Variants in CENPF observed in about 807,000 individuals in gnomAD.
CENPF encodes the protein centromere protein F, also known as AH antigen.
CENPF carries 214 observed loss-of-function variants against 307.3 expected under a neutral mutation model. The ratio of observed to expected loss-of-function variants is 0.70; its 90% confidence interval spans 0.62 to 0.78. The LOEUF is 0.78. Among genes scored for constraint, CENPF ranks in the 30% least tolerant of loss-of-function variants. The pLI is 0.00. For synonymous variants in CENPF, 1,259 were observed against 1,270.6 expected, an observed-to-expected ratio of 0.99 and a Z score of 0.19; for missense variants, 3,401 against 3,483.9, an observed-to-expected ratio of 0.98 and a Z score of 0.60.
rs114922443 is a variant in CENPF at position 214,630,202 on chromosome 1, T to C, written c.1195-332T>C. Among the ~76,000 whole-genome samples, 756 of 152,346 alleles carry C rather than the reference T, an allele frequency of 5.0e-3. 4 individuals are homozygous for C. The highest frequency in any genetic ancestry group is 0.017 in the African/African-American group (727 of 41,578). ...TATGTTTGGTTTCTTAGTTGAGCTT[T>C]GACTGTTGTAGCTCAGTTCTTCTCT... On this transcript the variant is annotated intron_variant, in intron 8 of 19. Transcript: ENST00000366955.
rs1192276291 is a variant in CENPF at position 214,642,226 on chromosome 1, A to G, written c.3888A>G (p.Thr1296=). The change falls in exon 12 of 20, where the codon ACA becomes ACG. Residue 1296 remains threonine (T), a synonymous_variant. Transcript: ENST00000366955. ...NAHLQCSLQT[T]MNKLNELEKI... is the part of the protein sequence containing the mutation. The stretch of plus-strand genomic sequence containing the variant: ...ACCTTCAGTGCTCTCTGCAAACAAC[A>G]ATGAACAAGCTGAATGAGCTAGAGA... The G allele has an allele frequency of 6.2e-7, 1 of 1,614,048 alleles. No homozygotes were observed. The highest frequency in any genetic ancestry group is 1.3e-5 in the African/African-American group (1 of 74,922).
Position 214,661,017 on chromosome 1 carries a change from C to T in CENPF, c.9141+1989C>T, listed in dbSNP as rs111612071. ...ATCACAAGTCATTTTTTTTCTGTTG[C>T]GAAGAACTGATGGTAAAAGCAGTTT... On this transcript the variant is annotated intron_variant, in intron 19 of 19. Transcript: ENST00000366955. 9.1e-3 allele frequency among the ~76,000 whole-genome samples: 1,391 copies of T among 152,176 alleles called. 27 individuals carry two copies. The highest frequency in any genetic ancestry group is 0.032 in the African/African-American group (1,310 of 41,510).
At position 214,641,552 on chromosome 1, in the gene CENPF, G is replaced by C. The variant is rs772179689; in HGVS notation, c.3214G>C (p.Glu1072Gln). The C allele has an allele frequency of 6.6e-7, 1 of 1,521,096 alleles. No individual in the cohort carries two copies. Among genetic ancestry groups the C allele is most frequent in the Non-Finnish European group, 8.8e-7 (1 of 1,140,470 alleles). 94.2% of individuals were successfully genotyped at this position (1,521,096 alleles called of 1,614,324 possible). A position where few individuals can be genotyped will look rare whatever the true frequency, so the allele number is the denominator to read the frequency against. Residue 1072 changes from glutamate (E) to glutamine (Q), a missense_variant, in exon 12 of 20, where the codon GAA becomes CAA. Glu to Gln is a conservative substitution (Grantham distance 29). Transcript: ENST00000366955. ...TTGTGAAAATAGGAAAAATGAGTTG[G>C]AACAGCTAAAGGAAGCATTTGCAAA... ...SLCENRKNELEQLKEAFAKEH... is the reference protein window; with the variant it reads ...SLCENRKNELQQLKEAFAKEH...
In CENPF at chr1:214,643,010, G is replaced by A. The variant is rs1196946606; in HGVS notation, c.4672G>A (p.Val1558Met). 1 of 1,609,302 alleles carries A rather than the reference G, an allele frequency of 6.2e-7. No homozygotes were observed. Among genetic ancestry groups the A allele is most frequent in the Non-Finnish European group, 8.5e-7 (1 of 1,178,684 alleles). The stretch of plus-strand genomic sequence containing the variant: ...TGAAGAGCTTGAGTCCCTCTGTGAG[G>A]TGTACCGGCAGTCCCTCGAGAAGCT... ...GVEELESLCE[V>M]YRQSLEKLEE... The change falls in exon 12 of 20, where the codon GTG (valine) becomes ATG (methionine). Residue 1558 changes from valine to methionine, a missense_variant. Transcript: ENST00000366955.
At position 214,603,250 on chromosome 1, in the gene CENPF, G is replaced by C. The variant is rs1006418683; in HGVS notation, c.-113G>C. 1 of 152,412 alleles carries C rather than the reference G, an allele frequency of 6.6e-6. No individual in the cohort carries two copies. The highest frequency in any genetic ancestry group is 1.5e-5 in the Non-Finnish European group (1 of 68,222). The allele number at this position is 152,412 out of a possible 1,614,324, so 9.4% of individuals were successfully genotyped here. Reference sequence around the variant, plus strand: ...CTGCGGGCAGTTTGAATTAGACTCTGGGCTCCAGCCCGCCGAAGCCGCGCC... The same window carrying C: ...CTGCGGGCAGTTTGAATTAGACTCTCGGCTCCAGCCCGCCGAAGCCGCGCC... On this transcript the variant is annotated 5_prime_UTR_variant, in exon 1 of 20. Transcript: ENST00000366955.
intron 16 of CENPF, chr1:214,655,019 T>C (rs1320039977): frequency 3.2e-6 from 1 of 311,774 alleles, no homozygotes; most frequent in African/African-American, 2.2e-5. Flanking sequence ...TAGTTTATAC[T>C]TGTGATACTA....
rs1281358182 is a variant in CENPF, at chr1:214,655,325, A to G, written c.8407A>G (p.Lys2803Glu). The G allele has an allele frequency of 6.2e-7, 1 of 1,610,470 alleles. No individual in the cohort carries two copies. Among genetic ancestry groups the G allele is most frequent in the Non-Finnish European group, 8.5e-7 (1 of 1,178,180 alleles). ...GKMKLLIKSC[K>E]QLEEEKEILQ... ...AATGAAGTTGTTGATCAAATCCTGTAAACAGCTGGAAGAGGAAAAGGAGAT... is the reference window on the plus strand; with the variant it reads ...AATGAAGTTGTTGATCAAATCCTGTGAACAGCTGGAAGAGGAAAAGGAGAT... The change falls in exon 17 of 20, where the codon AAA becomes GAA. Residue 2803 changes from lysine to glutamate, a missense_variant. By Grantham distance (56) the Lys-to-Glu change is moderately conservative. Coordinates refer to ENST00000366955, the MANE Select transcript of CENPF (RefSeq NM_016343.4).
chr1:214,605,442 T>G, intron 1 of CENPF: 1 of 207,898 alleles, frequency 4.8e-6, no homozygotes, highest in Non-Finnish European at 9.5e-6. Context: ...ATCCGCTTTG[T>G]TTTTTTTTTT....
At chr1:214,634,445 T>C (rs1449093402) in intron 10 of CENPF, among the ~76,000 whole-genome samples, 1 of 152,208 alleles carries the variant, frequency 6.6e-6, no homozygotes, top group Admixed American at 6.5e-5. Context: ...GTGTTGCTTT[T>C]CTGCCACCTA....
In CENPF at chr1:214,647,191, C is replaced by G; in HGVS notation, c.7621C>G (p.Leu2541Val). Reference sequence around the variant, plus strand: ...AGACCAAGAGCAGCTTGTCTCTAAACTGTCCCAGGTGGAAGGAGAGCACCA... The same window carrying G: ...AGACCAAGAGCAGCTTGTCTCTAAAGTGTCCCAGGTGGAAGGAGAGCACCA... ...IQDQEQLVSK[L>V]SQVEGEHQLW... Residue 2541 changes from leucine to valine, a missense_variant, in exon 13 of 20, where the codon CTG becomes GTG. By Grantham distance (32) the Leu-to-Val change is conservative. Coordinates refer to ENST00000366955, the MANE Select transcript of CENPF (RefSeq NM_016343.4). The G allele has an allele frequency of 6.2e-7, 1 of 1,614,102 alleles. No individual in the cohort carries two copies. Among genetic ancestry groups the G allele is most frequent in the Non-Finnish European group, 8.5e-7 (1 of 1,179,974 alleles).
chr1:214,640,289 C>G lies in CENPF; in HGVS notation c.1951C>G (p.Leu651Val). The G allele has an allele frequency of 1.2e-6, 2 of 1,613,964 alleles. No individual in the cohort carries two copies. Among genetic ancestry groups the G allele is most frequent in the Non-Finnish European group, 1.7e-6 (2 of 1,179,984 alleles). ...TAAAATTAATCACTTGGAAACTTGT[C>G]TGAAGACACAGCAAATAAAAAGTCA... ...QSKINHLETC[L>V]KTQQIKSHEY... Residue 651 changes from leucine to valine, a missense_variant, in exon 12 of 20, where the codon CTG (leucine) becomes GTG (valine). Transcript: ENST00000366955.
intron 1 of CENPF, among the ~76,000 whole-genome samples, chr1:214,609,385 G>C (rs1261428080): frequency 6.6e-6 from 1 of 152,166 alleles, no homozygotes; most frequent in Non-Finnish European, 1.5e-5. Context: ...TGGGCTACCT[G>C]TGCTGTGAGT....
chr1:214,634,732 G>A (rs1411828749), intron 10 of CENPF, among the ~76,000 whole-genome samples: 1 of 152,190 alleles, frequency 6.6e-6, no homozygotes, highest in Non-Finnish European at 1.5e-5. Flanking sequence ...GTGATCAGGG[G>A]ACAGTGCACT....
chr1:214,637,876 A>G lies in CENPF; in HGVS notation c.1457A>G (p.Lys486Arg), dbSNP rs762630471. ...ELRRSMEEMKKENNLLKSHSE... is the reference protein window; with the variant it reads ...ELRRSMEEMKRENNLLKSHSE... ...AAATGTGTGTTTTAGGAAATGAAGA[A>G]GGAAAACAACCTCCTTAAGAGTCAC... The change falls in exon 11 of 20, where the codon AAG (lysine) becomes AGG (arginine). Residue 486 changes from lysine to arginine, a missense_variant. Coordinates refer to ENST00000366955, the MANE Select transcript of CENPF (RefSeq NM_016343.4). The G allele has an allele frequency of 1.2e-6, 2 of 1,601,180 alleles. No individual in the cohort carries two copies. The highest frequency in any genetic ancestry group is 1.7e-6 in the Non-Finnish European group (2 of 1,177,306).
In CENPF at chr1:214,647,082, TG is replaced by T; in HGVS notation, c.7514del (p.Gly2505AlafsTer6). ...NYIVLQSSVN[G>X]LIQEVEDGKQ... ...ATATTGTTTTGCAATCTTCAGTGAA[TG>T]GCCTCATTCAAGAAGTAGAAGATGG... On this transcript the variant is annotated frameshift_variant, in exon 13 of 20. Coordinates refer to ENST00000366955, the MANE Select transcript of CENPF (RefSeq NM_016343.4). LOFTEE classifies it high-confidence loss of function. 6.2e-7 allele frequency: 1 copy of T among 1,614,046 alleles called. No individual in the cohort carries two copies. Among genetic ancestry groups the T allele is most frequent in the Non-Finnish European group, 8.5e-7 (1 of 1,179,992 alleles).
chr1:214,647,184 C>A lies in CENPF; in HGVS notation c.7614C>A (p.Val2538=). 6.2e-7 allele frequency: 1 copy of A among 1,614,092 alleles called. No individual in the cohort carries two copies. The highest frequency in any genetic ancestry group is 8.5e-7 in the Non-Finnish European group (1 of 1,179,990). Residue 2538 remains valine, a synonymous_variant, in exon 13 of 20, where the codon GTC becomes GTA. Coordinates refer to ENST00000366955, the MANE Select transcript of CENPF (RefSeq NM_016343.4). ...AAATTCAAGACCAAGAGCAGCTTGT[C>A]TCTAAACTGTCCCAGGTGGAAGGAG... ...KNQIQDQEQL[V]SKLSQVEGEH...
chr1:214,605,101 T>A (rs76934941), intron 1 of CENPF, among the ~76,000 whole-genome samples: 12,950 of 152,186 alleles, frequency 0.085, 766 homozygotes, highest in African/African-American at 0.16. Flanking sequence ...AATGAATGAT[T>A]TTTCTTTTTG....
In CENPF at chr1:214,622,260, A is replaced by G. The variant is rs956904245; in HGVS notation, c.1047A>G (p.Gln349=). ...ATGAACTAGTGAGAACAACAGCACA[A>G]TACGACCAGGCGTCAACCAAGGTAC... ...CRDELVRTTA[Q]YDQASTKYTA... is the part of the protein sequence containing the mutation. Residue 349 remains glutamine, a synonymous_variant, in exon 7 of 20, where the codon CAA becomes CAG. Transcript: ENST00000366955. The G allele has an allele frequency of 7.4e-6, 12 of 1,612,520 alleles. No individual in the cohort carries two copies. Among genetic ancestry groups the G allele is most frequent in the African/African-American group, 2.7e-5 (2 of 74,954 alleles).
chr1:214,647,452 C>T, intron 13 of CENPF, 52 bp downstream of exon 13: 10 of 1,513,390 alleles, frequency 6.6e-6, no homozygotes, highest in Non-Finnish European at 7.1e-6. Flanking sequence ...AGGCAGGAAA[C>T]CATATTTTCT....
Sources: gnomAD v4.1 joint callset for allele counts (sites outside exome capture counted in the v4.1 genomes callset) on GRCh38, gnomAD v4.1.1 for gene constraint, MANE v1.5 for transcripts, NCBI Gene and HGNC (gene_info 2026-07-23, HGNC 2026-07-21) for gene names.